The following METTL16 variants were observed in gnomAD, a reference collection of about 807,000 sequenced individuals.
METTL16 encodes the protein methyltransferase 16, RNA N6-adenosine.
METTL16 carries 19 observed loss-of-function variants against 57.9 expected under a neutral mutation model. The ratio of observed to expected loss-of-function variants is 0.33; its 90% CI spans 0.23 to 0.48. The LOEUF is 0.48. Ranked by LOEUF, METTL16 falls within the 20% of genes least tolerant of loss-of-function variation. The pLI is 0.99. For missense variants in METTL16, 434 were observed against 691.5 expected (o/e 0.63, Z 4.18); for synonymous variants, 246 against 255.6 (o/e 0.96, Z 0.36).
intron 2 of METTL16, among the ~76,000 whole-genome samples, chr17:2,496,421 C>T (rs1197265156): frequency 6.6e-6 from 1 of 151,544 alleles, no homozygotes; most frequent in Non-Finnish European, 1.5e-5. Flanking sequence ...ACCTCAGCCT[C>T]CCAAGTAGCT....
At chr17:2,429,653 G>A (rs2066855062) in intron 8 of METTL16, among the ~76,000 whole-genome samples, 1 of 151,832 alleles carries the variant, frequency 6.6e-6, no homozygotes, top group Non-Finnish European at 1.5e-5. Flanking sequence ...ATGGATCTAG[G>A]CAATGATCAT....
chr17:2,454,985 ATCTT>A (rs1207127377), intron 6 of METTL16, among the ~76,000 whole-genome samples: 3 of 151,738 alleles, frequency 2.0e-5, no homozygotes, highest in Admixed American at 2.0e-4. Flanking sequence ...CAGTGGCGCA[ATCTT>A]GGTTCACTGC....
At chr17:2,511,532 G>A (rs938832118) in intron 1 of METTL16, among the ~76,000 whole-genome samples, 1 of 151,912 alleles carries the variant, frequency 6.6e-6, no homozygotes, top group Admixed American at 6.6e-5. Flanking sequence ...CTAAACACCG[G>A]GGAGTCTTTC....
At chr17:2,428,192 G>A (rs2066834001) in intron 8 of METTL16, among the ~76,000 whole-genome samples, 2 of 151,954 alleles carry the variant, frequency 1.3e-5, no homozygotes, top group African/African-American at 4.8e-5. Flanking sequence ...GTGCCCAGAT[G>A]AATACCTTTA....
chr17:2,419,842 G>C lies in METTL16; in HGVS notation c.*128C>G, dbSNP rs769418038. On this transcript the variant is annotated 3_prime_UTR_variant, in exon 10 of 10. Coordinates refer to ENST00000263092, the MANE Select transcript of METTL16 (RefSeq NM_024086.4). ...GGGGGAGGTGGGGGACAGATTCATA[G>C]GTTTTTGTTTTCGAAGATAATTCCA... is the stretch of plus-strand genomic sequence containing the variant. The C allele has an allele frequency of 2.6e-6, 3 of 1,173,698 alleles. No homozygotes were observed. Among genetic ancestry groups the C allele is most frequent in the Admixed American group, 3.8e-5 (2 of 52,536 alleles). The allele number at this position is 1,173,698 out of a possible 1,614,324, so 72.7% of individuals were successfully genotyped here.
chr17:2,475,775 G>C (rs1039074413), intron 3 of METTL16, among the ~76,000 whole-genome samples: 3 of 152,204 alleles, frequency 2.0e-5, no homozygotes, highest in Non-Finnish European at 2.9e-5. Flanking sequence ...GAGTCTGGGG[G>C]AAGAATTTAT....
intron 1 of METTL16, among the ~76,000 whole-genome samples, chr17:2,506,767 C>A (rs1377997453): frequency 2.1e-3 from 324 of 150,852 alleles, no homozygotes; most frequent in African/African-American, 7.6e-3. Flanking sequence ...ATGTGAGGAG[C>A]CTCTCTGCCT....
chr17:2,441,419 C>G, intron 7 of METTL16, 71 bp downstream of exon 7: 1 of 1,139,656 alleles, frequency 8.8e-7, no homozygotes, highest in East Asian at 2.8e-5. Flanking sequence ...ATCAATGTAG[C>G]AAAACTGTAC....
intron 2 of METTL16, among the ~76,000 whole-genome samples, chr17:2,490,765 G>A (rs1038683452): frequency 2.0e-5 from 3 of 152,124 alleles, no homozygotes; most frequent in African/African-American, 7.2e-5. Context: ...TTTTGGGCAA[G>A]AGAACAATGT....
chr17:2,470,345 C>G (rs1053032421), intron 4 of METTL16, among the ~76,000 whole-genome samples: 2 of 151,664 alleles, frequency 1.3e-5, no homozygotes, highest in African/African-American at 2.4e-5. Context: ...TTAAATAGAC[C>G]AATAAAAGGA....
At chr17:2,508,099 C>T (rs865933020) in intron 1 of METTL16, among the ~76,000 whole-genome samples, 15 of 144,398 alleles carry the variant, frequency 1.0e-4, no homozygotes, top group African/African-American at 3.9e-4. Flanking sequence ...TCCCCCTCTG[C>T]GAGAAACACC....
chr17:2,483,910 T>C (rs892671525), intron 2 of METTL16, among the ~76,000 whole-genome samples: 1 of 152,258 alleles, frequency 6.6e-6, no homozygotes, highest in Non-Finnish European at 1.5e-5. Flanking sequence ...CTAAGTACCA[T>C]GCTAAGGCAT....
intron 2 of METTL16, among the ~76,000 whole-genome samples, chr17:2,497,131 G>A (rs879686404): frequency 6.6e-6 from 1 of 150,646 alleles, no homozygotes; most frequent in Non-Finnish European, 1.5e-5. Flanking sequence ...TCAGCCTCCC[G>A]AGTAGCTGGG....
At chr17:2,474,745 G>A (rs1354604905) in intron 3 of METTL16, among the ~76,000 whole-genome samples, 1 of 152,200 alleles carries the variant, frequency 6.6e-6, no homozygotes, top group Non-Finnish European at 1.5e-5. Context: ...GGCCAACATG[G>A]TGAAACCCCA....
Position 2,438,197 on chromosome 17 carries a change from A to G in METTL16, c.800T>C (p.Val267Ala), listed in dbSNP as rs1191051745. ...GAATTCAGTGTACGTTACTTTGGGA[A>G]CCTGAAACCAACAAAGACAGCATCT... ...PLKEELRIQG[V>A]PKVTYTEFCQ... Residue 267 changes from valine (V) to alanine (A), a missense_variant and splice_region_variant, in exon 8 of 10, where the codon GTT becomes GCT. Physicochemically the swap from Val to Ala is moderately conservative, Grantham distance 64 (BLOSUM62 0). Around this residue, in one of 5 missense-constraint regions of METTL16, gnomAD observed 96 missense variants for 138.3 expected, o/e 0.69. Coordinates refer to ENST00000263092, the MANE Select transcript of METTL16 (RefSeq NM_024086.4). 6.2e-7 allele frequency: 1 copy of G among 1,612,030 alleles called. No individual in the cohort carries two copies.
At chr17:2,430,362 A>C (rs1044053605) in intron 8 of METTL16, among the ~76,000 whole-genome samples, 1 of 150,654 alleles carries the variant, frequency 6.6e-6, no homozygotes, top group Admixed American at 6.6e-5. Context: ...AACTTTAGAC[A>C]GTTTCAGTTG....
At chr17:2,467,673 G>A (rs1431452269) in intron 5 of METTL16, 88 bp downstream of exon 5, 19 of 912,134 alleles carry the variant, frequency 2.1e-5, no homozygotes, top group Admixed American at 7.3e-5. Flanking sequence ...TGATTCACCC[G>A]CCTTGGCCTC....
chr17:2,435,209 A>T (rs1373298073), intron 8 of METTL16, among the ~76,000 whole-genome samples: 3 of 152,242 alleles, frequency 2.0e-5, no homozygotes, highest in Admixed American at 2.0e-4. Flanking sequence ...ATTTTTCAGC[A>T]TTCAGCACCA....
At chr17:2,490,239 C>CT (rs762278263) in intron 2 of METTL16, among the ~76,000 whole-genome samples, 51 of 151,296 alleles carry the variant, frequency 3.4e-4, no homozygotes, top group African/African-American at 9.0e-4. Context: ...CATAATTCCA[C>CT]TTTTTTTTTA....
Sources: allele counts gnomAD v4.1 joint callset (sites outside exome capture counted in the v4.1 genomes callset), GRCh38; gene constraint gnomAD v4.1.1; regional missense constraint gnomAD v4.1.1; transcripts MANE v1.5; gene names NCBI Gene and HGNC (gene_info 2026-07-23, HGNC 2026-07-21).